The following FER variants were observed in gnomAD, a reference collection of about 807,000 sequenced individuals.
The protein encoded by FER is FER tyrosine kinase.
FER carries 63 observed loss-of-function variants against 111.0 expected under a neutral mutation model. The ratio of observed to expected loss-of-function variants is 0.57; its 90% CI spans 0.46 to 0.70. The LOEUF (loss-of-function observed/expected upper bound fraction) is 0.70, where lower values mean the gene tolerates loss of function less well. Among genes scored for constraint, FER ranks in the 30% least tolerant of loss-of-function variants. The pLI is 0.00. For missense variants in FER, 914 were observed against 954.0 expected (o/e 0.96, Z 0.55); for synonymous variants, 327 against 313.9 (o/e 1.04, Z -0.44).
chr5:108,991,014 CATAA>C (rs544550193), intron 13 of FER, among the ~76,000 whole-genome samples: 35 of 151,336 alleles, frequency 2.3e-4, no homozygotes, highest in African/African-American at 8.5e-4. Flanking sequence ...CTGAGTTTGA[CATAA>C]ATATTTAATA....
intron 10 of FER, among the ~76,000 whole-genome samples, chr5:108,911,419 G>T (rs1751529309): frequency 6.6e-6 from 1 of 151,928 alleles, no homozygotes; most frequent in Non-Finnish European, 1.5e-5. Context: ...ACTGTAGATT[G>T]TGTGTTTGTT....
intron 16 of FER, among the ~76,000 whole-genome samples, chr5:109,059,800 T>C (rs890614505): frequency 1.3e-5 from 2 of 152,188 alleles, no homozygotes; most frequent in East Asian, 1.9e-4. Flanking sequence ...TAAAAATCTT[T>C]CATATGACCT....
chr5:109,021,622 C>G (rs1320475028), intron 13 of FER, among the ~76,000 whole-genome samples: 1 of 152,008 alleles, frequency 6.6e-6, no homozygotes, highest in Non-Finnish European at 1.5e-5. Flanking sequence ...TATCTTAGTA[C>G]TTTATAACAT....
At chr5:109,033,055 A>G (rs763521743) in intron 13 of FER, among the ~76,000 whole-genome samples, 2 of 151,942 alleles carry the variant, frequency 1.3e-5, no homozygotes, top group Non-Finnish European at 2.9e-5. Context: ...AACTCTGTCA[A>G]CTCTATTCAT....
At chr5:109,114,575 T>G (rs113237133) in intron 17 of FER, among the ~76,000 whole-genome samples, 110 of 152,232 alleles carry the variant, frequency 7.2e-4, no homozygotes, top group Non-Finnish European at 1.3e-3. Flanking sequence ...ACTGAATATT[T>G]TAGGCTTTCT....
intron 13 of FER, among the ~76,000 whole-genome samples, chr5:108,984,871 A>C (rs1762394829): frequency 6.6e-6 from 1 of 152,140 alleles, no homozygotes; most frequent in Non-Finnish European, 1.5e-5. Context: ...AGAATTACAT[A>C]TAAAATCAAG....
At chr5:108,905,724 AT>A (rs1157576145) in intron 10 of FER, among the ~76,000 whole-genome samples, 1 of 152,212 alleles carries the variant, frequency 6.6e-6, no homozygotes, top group Non-Finnish European at 1.5e-5. Context: ...ACATTAAAAC[AT>A]TTTTTAAACT....
chr5:108,877,013 A>G (rs1765155280), intron 8 of FER, among the ~76,000 whole-genome samples: 1 of 152,116 alleles, frequency 6.6e-6, no homozygotes, highest in Non-Finnish European at 1.5e-5. Context: ...TCTTGGTGGC[A>G]AAGTCTAAAA....
intron 8 of FER, among the ~76,000 whole-genome samples, chr5:108,879,296 A>G (rs1765399786): frequency 6.6e-6 from 1 of 151,980 alleles, no homozygotes; most frequent in Non-Finnish European, 1.5e-5. Context: ...CAGGTTTGTT[A>G]TATATAACGT....
intron 13 of FER, among the ~76,000 whole-genome samples, chr5:109,001,934 G>A (rs949194650): frequency 2.0e-5 from 3 of 151,442 alleles, no homozygotes; most frequent in African/African-American, 7.3e-5. Flanking sequence ...CAAGGGATGT[G>A]AAGGAGAACT....
At chr5:108,835,185 C>G (rs1156717443) in intron 4 of FER, among the ~76,000 whole-genome samples, 3 of 60,474 alleles carry the variant, frequency 5.0e-5, no homozygotes, top group African/African-American at 1.7e-4. Flanking sequence ...GTTTGCGCCA[C>G]CCCCCCCCCC....
At chr5:108,886,884 C>A (rs1329535829) in intron 9 of FER, among the ~76,000 whole-genome samples, 1 of 151,610 alleles carries the variant, frequency 6.6e-6, no homozygotes, top group Admixed American at 6.6e-5. Context: ...TTAAGTTTGC[C>A]TTTGAATTAT....
At chr5:109,068,958 A>G (rs898775693) in intron 16 of FER, among the ~76,000 whole-genome samples, 2 of 152,250 alleles carry the variant, frequency 1.3e-5, no homozygotes, top group African/African-American at 4.8e-5. Context: ...TCACAGCAGT[A>G]GTAGTCGCCC....
chr5:108,969,123 G>A (rs1448702100), intron 13 of FER, among the ~76,000 whole-genome samples: 1 of 152,038 alleles, frequency 6.6e-6, no homozygotes, highest in African/African-American at 2.4e-5. Context: ...AAGGCATTTT[G>A]GCAGAATCTG....
intron 16 of FER, among the ~76,000 whole-genome samples, chr5:109,073,054 TATG>T (rs1458093451): frequency 2.0e-5 from 3 of 152,132 alleles, no homozygotes; most frequent in African/African-American, 7.2e-5. Context: ...CCCACCCTAA[TATG>T]ATCACATAAT....
At chr5:108,781,048 G>T (rs375134259) in intron 2 of FER, among the ~76,000 whole-genome samples, 2 of 151,994 alleles carry the variant, frequency 1.3e-5, no homozygotes, top group Non-Finnish European at 2.9e-5. Flanking sequence ...TTGCCCATCT[G>T]TTCTTATATG....
intron 10 of FER, among the ~76,000 whole-genome samples, chr5:108,923,361 T>G (rs756071472): frequency 2.6e-5 from 4 of 152,076 alleles, no homozygotes; most frequent in Non-Finnish European, 4.4e-5. Context: ...TTTTTTTGAT[T>G]GCATCTAATT....
chr5:108,968,640 C>T (rs938436612), intron 13 of FER, among the ~76,000 whole-genome samples: 1 of 151,596 alleles, frequency 6.6e-6, no homozygotes, highest in African/African-American at 2.4e-5. Context: ...ATCAAACCCA[C>T]AATCAAATCA....
chr5:109,041,570 G>T (rs1222313099), intron 14 of FER, among the ~76,000 whole-genome samples: 4 of 152,138 alleles, frequency 2.6e-5, no homozygotes, highest in Admixed American at 1.3e-4. Context: ...TTTAAAGTAT[G>T]ACCCTAGAAA....
Sources: allele counts gnomAD v4.1 joint callset (sites outside exome capture counted in the v4.1 genomes callset), GRCh38; gene constraint gnomAD v4.1.1; transcripts MANE v1.5; gene names NCBI Gene and HGNC (gene_info 2026-07-23, HGNC 2026-07-21).